Variants in MAN2A1 observed in about 807,000 individuals in gnomAD.
MAN2A1 encodes the protein mannosidase alpha class 2A member 1.
A neutral mutation model predicts 142.6 loss-of-function variants in MAN2A1; 76 were observed. The ratio of observed to expected loss-of-function variants is 0.53; its 90% CI spans 0.44 to 0.65. MAN2A1 has a LOEUF of 0.65. MAN2A1 is among the 30% of genes least tolerant of loss of function. The pLI is 0.00. For synonymous variants in MAN2A1, 559 were observed against 473.2 expected (o/e 1.18, Z -2.35); for missense variants, 1,311 against 1,365.1 (o/e 0.96, Z 0.62).
chr5:109,841,679 T>C (rs1755210020), intron 16 of MAN2A1, among the ~76,000 whole-genome samples: 1 of 152,176 alleles, frequency 6.6e-6, no homozygotes, highest in Non-Finnish European at 1.5e-5. Flanking sequence ...CTGTTTTACA[T>C]AACAAAGGAC....
At chr5:109,846,905 A>G (rs1265313069) in intron 18 of MAN2A1, among the ~76,000 whole-genome samples, 1 of 152,174 alleles carries the variant, frequency 6.6e-6, no homozygotes. Flanking sequence ...GGGATCCAGT[A>G]GGGAGGGTTA....
intron 20 of MAN2A1, among the ~76,000 whole-genome samples, chr5:109,857,423 CT>C (rs1177024910): frequency 6.6e-6 from 1 of 152,126 alleles, no homozygotes; most frequent in Non-Finnish European, 1.5e-5. Context: ...ATACTCTGGG[CT>C]TGAGGTTACC....
At chr5:109,796,808 G>A (rs1468064968) in intron 12 of MAN2A1, among the ~76,000 whole-genome samples, 1 of 152,186 alleles carries the variant, frequency 6.6e-6, no homozygotes, top group Non-Finnish European at 1.5e-5. Flanking sequence ...ATGCATGTGA[G>A]CCTATTATTC....
intron 16 of MAN2A1, among the ~76,000 whole-genome samples, chr5:109,838,743 A>G (rs1039439103): frequency 2.6e-5 from 4 of 152,236 alleles, no homozygotes. Flanking sequence ...TTATTTTAAA[A>G]GTCTGTCCTG....
chr5:109,696,572 G>A (rs946671568), intron 1 of MAN2A1, among the ~76,000 whole-genome samples: 4 of 152,116 alleles, frequency 2.6e-5, no homozygotes, highest in African/African-American at 4.8e-5. Flanking sequence ...TCGTGTTAAG[G>A]GCTGTCCTGT....
At chr5:109,692,758 G>C (rs978802986) in intron 1 of MAN2A1, among the ~76,000 whole-genome samples, 2 of 148,714 alleles carry the variant, frequency 1.3e-5, no homozygotes, top group African/African-American at 4.9e-5. Context: ...ACCAGGGACT[G>C]GTTTCCTGGA....
chr5:109,690,305 G>A lies in MAN2A1; in HGVS notation c.-113G>A, dbSNP rs1582787615. 1.8e-6 allele frequency: 2 copies of A among 1,125,800 alleles called. No homozygotes were observed. Among genetic ancestry groups the A allele is most frequent in the Non-Finnish European group, 2.7e-6 (2 of 754,264 alleles). 69.7% of individuals were successfully genotyped at this position (1,125,800 alleles called of 1,614,324 possible). ...GACTCGCACCCGCATCCGAGAGCGCGGAGGTCGCGCAGCCCGGGAGAAGGG... is the reference window on the plus strand; with the variant it reads ...GACTCGCACCCGCATCCGAGAGCGCAGAGGTCGCGCAGCCCGGGAGAAGGG... On this transcript the variant is annotated 5_prime_UTR_variant, in exon 1 of 22. Transcript: ENST00000261483.
intron 3 of MAN2A1, among the ~76,000 whole-genome samples, chr5:109,719,211 C>G (rs1179177251): frequency 1.3e-5 from 2 of 152,194 alleles, no homozygotes; most frequent in African/African-American, 2.4e-5. Flanking sequence ...ATCTTTTTGT[C>G]TTAGTAAAAG....
rs752431199 is a variant in MAN2A1, at chr5:109,690,536, A to G, written c.119A>G (p.Glu40Gly). 51 of 1,607,296 alleles carry G rather than the reference A, an allele frequency of 3.2e-5. No individual in the cohort carries two copies. Among genetic ancestry groups the G allele is most frequent in the South Asian group, 1.7e-4 (15 of 90,194 alleles). Reference sequence around the variant, plus strand: ...GACTACCCCAGGAACCCGCGCCGCGAGGGCTCCTTCCCTCAGGTAAGCACC... The same window carrying G: ...GACTACCCCAGGAACCCGCGCCGCGGGGGCTCCTTCCCTCAGGTAAGCACC... ...HLDYPRNPRR[E>G]GSFPQGQLSM... The change falls in exon 1 of 22, where the codon GAG becomes GGG. Residue 40 changes from glutamate (E) to glycine (G), a missense_variant. Transcript: ENST00000261483.
intron 6 of MAN2A1, among the ~76,000 whole-genome samples, chr5:109,768,538 A>G (rs1753055223): frequency 6.6e-6 from 1 of 152,178 alleles, no homozygotes; most frequent in Non-Finnish European, 1.5e-5. Context: ...AACCTCTGTC[A>G]TTGTGTTCTC....
At chr5:109,729,318 T>G (rs1372264947) in intron 3 of MAN2A1, 24 bp from the exon 4 acceptor site, 15 of 1,527,014 alleles carry the variant, frequency 9.8e-6, no homozygotes, top group African/African-American at 2.8e-5. Context: ...TAGACCTTTG[T>G]GGTATATTTG....
rs757348270 is a variant in MAN2A1 at position 109,729,489 on chromosome 5, T to C, written c.683T>C (p.Ile228Thr). The C allele has an allele frequency of 6.5e-7, 1 of 1,547,768 alleles. No individual in the cohort carries two copies. Among genetic ancestry groups the C allele is most frequent in the Non-Finnish European group, 8.7e-7 (1 of 1,150,252 alleles). Residue 228 changes from isoleucine to threonine, a missense_variant, in exon 4 of 22, where the codon ATT becomes ACT. Coordinates refer to ENST00000261483, the MANE Select transcript of MAN2A1 (RefSeq NM_002372.4). ...TCAAAGTGGTGGGATATTATAGATATTCAGAAGAAGGATGCTGTTAAAAGG... is the reference window on the plus strand; with the variant it reads ...TCAAAGTGGTGGGATATTATAGATACTCAGAAGAAGGATGCTGTTAAAAGG... ...YLSKWWDIID[I>T]QKKDAVKSLI... is the part of the protein sequence containing the mutation.
chr5:109,691,166 T>G (rs916748321), intron 1 of MAN2A1, among the ~76,000 whole-genome samples: 3 of 151,948 alleles, frequency 2.0e-5, no homozygotes, highest in African/African-American at 7.3e-5. Context: ...GGGAACCGAG[T>G]GGGGAAGCGC....
At chr5:109,759,787 C>T (rs1752788275) in intron 5 of MAN2A1, among the ~76,000 whole-genome samples, 1 of 152,038 alleles carries the variant, frequency 6.6e-6, no homozygotes, top group South Asian at 2.1e-4. Flanking sequence ...TTTCTTAGAA[C>T]CATGCTAGTG....
chr5:109,749,293 A>G (rs1752487326), intron 4 of MAN2A1, among the ~76,000 whole-genome samples: 1 of 152,180 alleles, frequency 6.6e-6, no homozygotes, highest in Admixed American at 6.6e-5. Flanking sequence ...AGTGACACTC[A>G]GAGAAAATGA....
At position 109,768,243 on chromosome 5, in the gene MAN2A1, G is replaced by A. The variant is rs1753048539; in HGVS notation, c.1009+535G>A. On this transcript the variant is annotated intron_variant, in intron 6 of 21. Transcript: ENST00000261483. ...TGTGCAGCTCTTTATTAGGAGAGAGGAGAAAAGATCTAGGCCTCTTGGGAG... is the reference window on the plus strand; with the variant it reads ...TGTGCAGCTCTTTATTAGGAGAGAGAAGAAAAGATCTAGGCCTCTTGGGAG... Among the ~76,000 whole-genome samples, 12 of 152,280 alleles carry A rather than the reference G, an allele frequency of 7.9e-5. No individual in the cohort carries two copies. The South Asian group carries it at 2.5e-3, about 32-fold the overall frequency.
At chr5:109,810,159 C>A (rs1181112930) in intron 12 of MAN2A1, among the ~76,000 whole-genome samples, 1 of 151,910 alleles carries the variant, frequency 6.6e-6, no homozygotes, top group African/African-American at 2.4e-5. Flanking sequence ...ATTTTAAAGT[C>A]ATGTCAGCTA....
intron 3 of MAN2A1, among the ~76,000 whole-genome samples, chr5:109,716,945 C>A: frequency 6.6e-6 from 1 of 152,274 alleles, no homozygotes; most frequent in Middle Eastern, 3.4e-3. Context: ...TCCCTTCCCC[C>A]ACCCCTGACC....
intron 2 of MAN2A1, among the ~76,000 whole-genome samples, chr5:109,714,163 A>C (rs17162099): frequency 0.053 from 7,936 of 149,002 alleles, 210 homozygotes; most frequent in Non-Finnish European, 0.065. Context: ...GATTTTGTAC[A>C]AAGTAAGGTT....
Sources: gnomAD v4.1 joint callset for allele counts (sites outside exome capture counted in the v4.1 genomes callset) on GRCh38, gnomAD v4.1.1 for gene constraint, MANE v1.5 for transcripts, NCBI Gene and HGNC (gene_info 2026-07-23, HGNC 2026-07-21) for gene names.